DEPDC5: variants seen among roughly 807,000 people sequenced by gnomAD.
DEPDC5 encodes DEP domain containing 5, GATOR1 subcomplex subunit, also known as GATOR1 complex protein DEPDC5.
DEPDC5 carries 73 observed loss-of-function variants against 217.3 expected under a neutral mutation model. The ratio of observed to expected loss-of-function variants is 0.34; its 90% CI spans 0.28 to 0.41. The LOEUF is 0.41. Ranked by LOEUF, DEPDC5 falls within the 10% of genes least tolerant of loss-of-function variation. The pLI, the probability that DEPDC5 is intolerant of heterozygous loss-of-function variation, is 1.00. For missense variants in DEPDC5, 1,675 were observed against 2,070.1 expected (o/e 0.81, Z 3.70); for synonymous variants, 733 against 756.7 (o/e 0.97, Z 0.51).
At chr22:31,829,420 G>A (rs987427805) in intron 24 of DEPDC5, among the ~76,000 whole-genome samples, 7 of 151,946 alleles carry the variant, frequency 4.6e-5, no homozygotes, top group African/African-American at 1.2e-4. Flanking sequence ...TAATCCCAGC[G>A]ACTTGGGAGG....
At chr22:31,810,748 G>C in intron 20 of DEPDC5, 107 bp downstream of exon 20, 2 of 1,517,312 alleles carry the variant, frequency 1.3e-6, no homozygotes, top group Non-Finnish European at 1.8e-6. Context: ...GTTTTGTTTT[G>C]TTTTGTTTCG....
At chr22:31,858,507 C>T (rs923497856) in intron 32 of DEPDC5, 1 of 152,138 alleles carries the variant, frequency 6.6e-6, no homozygotes, top group Admixed American at 6.6e-5. Context: ...AGATTCAATA[C>T]ATATATGTTA....
At chr22:31,826,076 A>G (rs1268076348) in intron 24 of DEPDC5, among the ~76,000 whole-genome samples, 7 of 151,686 alleles carry the variant, frequency 4.6e-5, no homozygotes, top group Non-Finnish European at 1.0e-4. Flanking sequence ...GTGCGATCTC[A>G]GCTCTCTGCA....
intron 23 of DEPDC5, among the ~76,000 whole-genome samples, chr22:31,822,101 T>C (rs1788213001): frequency 2.0e-5 from 3 of 152,228 alleles, no homozygotes; most frequent in Non-Finnish European, 2.9e-5. Context: ...GGCTTATGTT[T>C]ATAGAAACAA....
chr22:31,877,208 G>C (rs967296271), intron 37 of DEPDC5, among the ~76,000 whole-genome samples: 1 of 151,752 alleles, frequency 6.6e-6, no homozygotes, highest in Non-Finnish European at 1.5e-5. Context: ...GGCCGAAGCA[G>C]GTGGATTGCC....
intron 10 of DEPDC5, among the ~76,000 whole-genome samples, chr22:31,786,334 T>C (rs2084979832): frequency 6.7e-6 from 1 of 150,362 alleles, no homozygotes; most frequent in Non-Finnish European, 1.5e-5. Flanking sequence ...GTGGGCAGAT[T>C]GCATGAGCCC....
At chr22:31,810,786 T>C in intron 20 of DEPDC5, 145 bp downstream of exon 20, 1 of 1,351,106 alleles carries the variant, frequency 7.4e-7, no homozygotes, top group Non-Finnish European at 9.9e-7. Context: ...TTTTGTTTTG[T>C]TTTTTTGAGA....
intron 5 of DEPDC5, 38 bp from the exon 6 acceptor site, chr22:31,766,547 A>G (rs376896141): frequency 1.2e-6 from 2 of 1,600,490 alleles, no homozygotes. Flanking sequence ...AAGTGTGGCA[A>G]AGTAATGTCA....
At position 31,819,026 on chromosome 22, in the gene DEPDC5, CCT is replaced by C. The variant is rs1323542574; in HGVS notation, c.1672_1673del (p.Leu558GlyfsTer41). The C allele has an allele frequency of 6.2e-7, 1 of 1,614,116 alleles. No homozygotes were observed. Among genetic ancestry groups the C allele is most frequent in the South Asian group, 1.1e-5 (1 of 91,078 alleles). On this transcript the variant is annotated frameshift_variant, in exon 22 of 43. Coordinates refer to ENST00000651528, the MANE Select transcript of DEPDC5 (RefSeq NM_001242896.3). LOFTEE classifies it high-confidence loss of function. Reference protein sequence around the residue: ...SLGYTSTRDVLENMMEPPQRD... With the variant: ...SLGYTSTRDVXENMMEPPQRD... Reference sequence around the variant, plus strand: ...CAACTCCATGATAACTGGCAGATGTCCTGGAGAACATGATGGAGCCACCACAG... The same window carrying C: ...CAACTCCATGATAACTGGCAGATGTCGGAGAACATGATGGAGCCACCACAG...
chr22:31,778,052 T>C, intron 7 of DEPDC5, 47 bp from the exon 8 acceptor site: 6 of 1,602,236 alleles, frequency 3.7e-6, no homozygotes, highest in Non-Finnish European at 5.1e-6. Flanking sequence ...CAGGCATGTA[T>C]TGGTTTCATG....
Position 31,843,698 on chromosome 22 carries a change from A to G in DEPDC5, c.2687A>G (p.His896Arg), listed in dbSNP as rs758671528. ...IHYTYSLCPS[H>R]SDSEFVSCWV... ...TACACCTACAGCCTCTGTCCTTCCC[A>G]CTCAGACTCAGAGTTCGTCTCCTGC... is the stretch of plus-strand genomic sequence containing the variant. The change falls in exon 29 of 43, where the codon CAC becomes CGC. Residue 896 changes from histidine to arginine, a missense_variant. Around this residue, in one of 11 missense-constraint regions of DEPDC5, gnomAD observed 293 missense variants for 386.1 expected, o/e 0.76. Transcript: ENST00000651528. 2 of 1,613,860 alleles carry G rather than the reference A, an allele frequency of 1.2e-6. No homozygotes were observed. The highest frequency in any genetic ancestry group is 8.5e-7 in the Non-Finnish European group (1 of 1,179,896).
At chr22:31,851,715 A>G (rs781587888) in intron 31 of DEPDC5, among the ~76,000 whole-genome samples, 2 of 152,170 alleles carry the variant, frequency 1.3e-5, no homozygotes, top group African/African-American at 2.4e-5. Context: ...CCTTGACTGT[A>G]TGGTATGAGG....
At chr22:31,878,535 C>A (rs1326082812) in intron 37 of DEPDC5, among the ~76,000 whole-genome samples, 1 of 151,126 alleles carries the variant, frequency 6.6e-6, no homozygotes, top group Non-Finnish European at 1.5e-5. Context: ...TAGCGAAACC[C>A]CATCTCTACA....
chr22:31,755,091 TA>T (rs1382395264), intron 2 of DEPDC5, 112 bp downstream of exon 2: 14 of 1,209,326 alleles, frequency 1.2e-5, no homozygotes, highest in Non-Finnish European at 1.4e-5. Flanking sequence ...AACAGGCGAC[TA>T]AACAGACTAA....
At position 31,819,132 on chromosome 22, in the gene DEPDC5, C is replaced by T. The variant is rs777632867; in HGVS notation, c.1777C>T (p.Pro593Ser). The change falls in exon 22 of 43, where the codon CCC becomes TCC. Residue 593 changes from proline (P) to serine (S), a missense_variant. Pro to Ser is a moderately conservative substitution (Grantham distance 74). This residue lies in a region of DEPDC5 where 628 missense variants were observed against 762.1 expected (regional missense o/e 0.82). Coordinates refer to ENST00000651528, the MANE Select transcript of DEPDC5 (RefSeq NM_001242896.3). ...MLHVRPGGYT[P>S]QRALINPFAP... Reference sequence around the variant, plus strand: ...GCATGTTCGACCTGGTGGATACACGCCCCAGAGAGCACTGATTAACCCCTT... The same window carrying T: ...GCATGTTCGACCTGGTGGATACACGTCCCAGAGAGCACTGATTAACCCCTT... The T allele has an allele frequency of 2.5e-6, 4 of 1,614,128 alleles. No homozygotes were observed. In the Admixed American group the frequency reaches 5.0e-5, roughly 20 times the overall value.
intron 33 of DEPDC5, among the ~76,000 whole-genome samples, chr22:31,867,393 C>T (rs1025938944): frequency 2.0e-5 from 3 of 152,190 alleles, no homozygotes; most frequent in Non-Finnish European, 4.4e-5. Flanking sequence ...AAGTGGGAAA[C>T]CTCTGTTCCA....
At chr22:31,765,472 A>G (rs1276004847) in intron 5 of DEPDC5, among the ~76,000 whole-genome samples, 2 of 151,896 alleles carry the variant, frequency 1.3e-5, no homozygotes, top group Non-Finnish European at 2.9e-5. Context: ...GTATTTTTGT[A>G]GAGACAGGGT....
chr22:31,792,232 G>A (rs1399979380), intron 11 of DEPDC5, 130 bp downstream of exon 11: 3 of 673,762 alleles, frequency 4.5e-6, no homozygotes, highest in Non-Finnish European at 7.8e-6. Context: ...TATGGGGACA[G>A]TGTAAAAGGG....
intron 31 of DEPDC5, among the ~76,000 whole-genome samples, chr22:31,847,568 T>A (rs1326322594): frequency 2.0e-5 from 3 of 152,162 alleles, no homozygotes; most frequent in Non-Finnish European, 4.4e-5. Context: ...AGAGTGAAGG[T>A]AGGGGAAAAG....
Sources: allele counts gnomAD v4.1 joint callset (sites outside exome capture counted in the v4.1 genomes callset), GRCh38; gene constraint gnomAD v4.1.1; regional missense constraint gnomAD v4.1.1; transcripts MANE v1.5; gene names NCBI Gene and HGNC (gene_info 2026-07-23, HGNC 2026-07-21).